MROH1: variants seen among roughly 807,000 people sequenced by gnomAD.
MROH1 encodes the protein maestro heat-like repeat-containing protein family member 1.
In MROH1, 117 loss-of-function variants were observed where a neutral mutation model predicts 116.5. The ratio of observed to expected loss-of-function variants is 1.00; its 90% CI spans 0.86 to 1.17. MROH1 has a LOEUF of 1.17. Among genes scored for constraint, MROH1 ranks in the 50% most tolerant of loss-of-function variants. The probability of loss-of-function intolerance (pLI) is 0.00; values close to 1 mark genes in which losing one functional copy is unlikely to be tolerated. For synonymous variants in MROH1, 921 were observed against 583.9 expected (o/e 1.58, Z -8.32); for missense variants, 1,873 against 1,338.5 (o/e 1.40, Z -6.23).
At chr8:144,255,953 C>T (rs1843676519) in intron 35 of MROH1, among the ~76,000 whole-genome samples, 2 of 152,356 alleles carry the variant, frequency 1.3e-5, no homozygotes, top group African/African-American at 4.8e-5. Context: ...CACGGTGGTG[C>T]TGAACACAGG....
At chr8:144,179,233 G>C (rs1824900764) in intron 4 of MROH1, among the ~76,000 whole-genome samples, 2 of 152,082 alleles carry the variant, frequency 1.3e-5, no homozygotes, top group South Asian at 4.2e-4. Flanking sequence ...CATGTTGGTT[G>C]TCTGGCGCAG....
intron 4 of MROH1, chr8:144,175,250 T>C (rs1008847990): frequency 1.3e-6 from 1 of 787,230 alleles, no homozygotes; most frequent in African/African-American, 2.0e-5. Context: ...GCGGGTCCGG[T>C]CGGATGGGTA....
rs972442923 is a variant in MROH1 at position 144,255,632 on chromosome 8, C to T, written c.3718C>T (p.Pro1240Ser). ...RVSCTVGVQL[P>S]RNLQAQERRG... ...CAGCTGCACCGTGGGTGTCCAGCTG[C>T]CCCGGAACCTGCAGGCCCAGGAAAG... Residue 1240 changes from proline (P) to serine (S), a missense_variant, in exon 35 of 44, where the codon CCC becomes TCC. Pro to Ser is a moderately conservative substitution (Grantham distance 74, BLOSUM62 -1). Coordinates refer to ENST00000326134, the MANE Select transcript of MROH1 (RefSeq NM_032450.3). 6 of 774,952 alleles carry T rather than the reference C, an allele frequency of 7.7e-6. No individual in the cohort carries two copies. Among genetic ancestry groups the T allele is most frequent in the Non-Finnish European group, 1.4e-5 (6 of 416,270 alleles). The allele number at this position is 774,952 out of a possible 1,614,324, so 48.0% of individuals were successfully genotyped here.
intron 12 of MROH1, among the ~76,000 whole-genome samples, chr8:144,208,592 T>A (rs1833380805): frequency 6.6e-6 from 1 of 152,144 alleles, no homozygotes; most frequent in Non-Finnish European, 1.5e-5. Flanking sequence ...CCAAATAAGG[T>A]CACATTCCGA....
intron 12 of MROH1, among the ~76,000 whole-genome samples, chr8:144,201,750 C>G (rs892668002): frequency 6.6e-6 from 1 of 151,798 alleles, no homozygotes; most frequent in African/African-American, 2.4e-5. Flanking sequence ...CAGTGGCTCA[C>G]GCCTGTAATC....
rs1820017907 is a variant in MROH1 at position 144,163,362 on chromosome 8, G to T, written c.-56-409G>T. Among the ~76,000 whole-genome samples, 1 of 152,204 alleles carries T rather than the reference G, an allele frequency of 6.6e-6. No homozygotes were observed. Among genetic ancestry groups the T allele is most frequent in the Non-Finnish European group, 1.5e-5 (1 of 68,042 alleles). ...GACGCTTCCTGGACTCGATTCTTAG[G>T]GACCATTGTTGCATGCAGTGGCGCA... On this transcript the variant is annotated intron_variant, in intron 2 of 43. Coordinates refer to ENST00000326134, the MANE Select transcript of MROH1 (RefSeq NM_032450.3). This position sits in a 1 kb window ranked among gnomAD's most constrained non-coding sequence, Gnocchi z 4.4.
At chr8:144,170,709 G>A (rs1032829205) in intron 4 of MROH1, among the ~76,000 whole-genome samples, 2 of 152,226 alleles carry the variant, frequency 1.3e-5, no homozygotes, top group South Asian at 4.1e-4. Flanking sequence ...CCTGTCTGGC[G>A]TCTGTATCTG....
intron 34 of MROH1, 49 bp downstream of exon 34, chr8:144,255,027 T>C: frequency 1.4e-6 from 1 of 703,844 alleles, no homozygotes; most frequent in Non-Finnish European, 2.6e-6. Context: ...CTGCCCCGCT[T>C]GCCTGGGTGC....
intron 33 of MROH1, chr8:144,251,322 CT>C (rs1171445207): frequency 3.9e-5 from 6 of 152,334 alleles, no homozygotes; most frequent in African/African-American, 1.4e-4. Flanking sequence ...TTTTAAATCT[CT>C]TGCATGGTAA....
intron 35 of MROH1, among the ~76,000 whole-genome samples, chr8:144,257,503 C>T (rs1430088970): frequency 4.6e-5 from 7 of 152,236 alleles, no homozygotes. Context: ...GCATCACCAG[C>T]CCTGTGTACC....
intron 12 of MROH1, among the ~76,000 whole-genome samples, chr8:144,218,106 A>G (rs936637089): frequency 3.9e-5 from 6 of 152,062 alleles, no homozygotes; most frequent in African/African-American, 1.4e-4. Flanking sequence ...GTCTTGCCCC[A>G]TGGCTTGGAA....
In MROH1 at chr8:144,261,824, C is replaced by T. The variant is rs1845138172; in HGVS notation, c.*84C>T. 1.4e-6 allele frequency: 1 copy of T among 700,312 alleles called. No individual in the cohort carries two copies. Among genetic ancestry groups the T allele is most frequent in the Non-Finnish European group, 2.6e-6 (1 of 384,628 alleles). The allele number at this position is 700,312 out of a possible 1,614,324, so 43.4% of individuals were successfully genotyped here. On this transcript the variant is annotated 3_prime_UTR_variant, in exon 44 of 44. Transcript: ENST00000326134. ...GACAGGGCCTCCTGAGGACCACAGC[C>T]TGGGCACACGACTGGAGGGGCCTGG...
intron 7 of MROH1, among the ~76,000 whole-genome samples, chr8:144,190,131 C>T (rs747916491): frequency 1.3e-5 from 2 of 152,214 alleles, no homozygotes; most frequent in African/African-American, 2.4e-5. Context: ...GTCTGTGCCT[C>T]CATGTCACAT....
Position 144,180,141 on chromosome 8 carries a change from T to C in MROH1, c.301-37T>C. ...CGACTGAGGGCAGAATGTCTTGGTC[T>C]TGCCTTTTGGTCTACCTGCCGGTGT... On this transcript the variant is annotated intron_variant, in intron 5 of 43. Coordinates refer to ENST00000326134, the MANE Select transcript of MROH1 (RefSeq NM_032450.3). This position sits in a 1 kb window ranked among gnomAD's most constrained non-coding sequence, Gnocchi z 7.4. The C allele has an allele frequency of 6.2e-7, 1 of 1,612,078 alleles. No homozygotes were observed. The highest frequency in any genetic ancestry group is 8.5e-7 in the Non-Finnish European group (1 of 1,178,624).
chr8:144,247,339 C>T lies in MROH1; in HGVS notation c.2910C>T (p.Gly970=), dbSNP rs2133077589. 7.8e-6 allele frequency: 6 copies of T among 773,300 alleles called. No individual in the cohort carries two copies. The highest frequency in any genetic ancestry group is 6.8e-5 in the South Asian group (5 of 73,004). The allele number at this position is 773,300 out of a possible 1,614,324, so 47.9% of individuals were successfully genotyped here. Residue 970 remains glycine, a synonymous_variant, in exon 30 of 44, where the codon GGC becomes GGT. Transcript: ENST00000326134. The part of the protein sequence containing the change: ...VPFHNLGLLI[G]LFSPRCADLW... ...TCCACAACCTGGGCCTTCTCATCGG[C>T]CTCTTCTCCCCACGGTGTGCGGACC...
rs968540862 is a variant in MROH1, at chr8:144,240,657, G to A, written c.1915G>A (p.Asp639Asn). ...LELCRQLPCY[D>N]EAPQEKNFLY... Reference sequence around the variant, plus strand: ...GCTGTGCAGGCAGCTGCCCTGCTACGATGAGGCACCCCAGGAGAAGGTGGG... The same window carrying A: ...GCTGTGCAGGCAGCTGCCCTGCTACAATGAGGCACCCCAGGAGAAGGTGGG... The change falls in exon 20 of 44, where the codon GAT (aspartate) becomes AAT (asparagine). Residue 639 changes from aspartate (D) to asparagine (N), a missense_variant. Physicochemically the swap from Asp to Asn is conservative, Grantham distance 23 (BLOSUM62 1). Coordinates refer to ENST00000326134, the MANE Select transcript of MROH1 (RefSeq NM_032450.3). 4.7e-5 allele frequency: 34 copies of A among 717,126 alleles called. No homozygotes were observed. Among genetic ancestry groups the A allele is most frequent in the Admixed American group, 2.6e-4 (13 of 49,994 alleles). The allele number at this position is 717,126 out of a possible 1,614,324, so 44.4% of individuals were successfully genotyped here.
intron 10 of MROH1, among the ~76,000 whole-genome samples, chr8:144,195,339 A>C (rs1332064301): frequency 1.3e-5 from 2 of 150,180 alleles, no homozygotes; most frequent in Non-Finnish European, 3.0e-5. Context: ...GTCTTTACTA[A>C]AAATGCAAAA....
chr8:144,205,834 T>C (rs1243884567), intron 12 of MROH1, among the ~76,000 whole-genome samples: 1 of 152,206 alleles, frequency 6.6e-6, no homozygotes, highest in Non-Finnish European at 1.5e-5. Context: ...TCCAGTCATA[T>C]TTTCTTCCAG....
At chr8:144,232,646 G>A (rs116658997) in intron 14 of MROH1, among the ~76,000 whole-genome samples, 1,542 of 151,448 alleles carry the variant, frequency 0.01, 22 homozygotes, top group African/African-American at 0.035. Flanking sequence ...TGCGCACACC[G>A]CCACGCTTGG....
Sources: allele counts gnomAD v4.1 joint callset (sites outside exome capture counted in the v4.1 genomes callset), GRCh38; gene constraint gnomAD v4.1.1; non-coding constraint Gnocchi (gnomAD v3.1); transcripts MANE v1.5; gene names NCBI Gene and HGNC (gene_info 2026-07-23, HGNC 2026-07-21).